NAALADL2: variants seen among roughly 807,000 people sequenced by gnomAD.
The protein encoded by NAALADL2 is N-acetylated alpha-linked acidic dipeptidase like 2.
Under a neutral mutation model 87.2 loss-of-function variants are expected in NAALADL2, and 76 were observed. That is an observed-to-expected ratio of 0.87 (90% CI 0.72 to 1.05). The LOEUF (loss-of-function observed/expected upper bound fraction) is 1.05. Among genes scored for constraint, NAALADL2 ranks in the 50% least tolerant of loss-of-function variants. The pLI is 0.00. For synonymous variants in NAALADL2, 354 were observed against 331.0 expected (o/e 1.07, Z -0.75); for missense variants, 1,089 against 945.8 (o/e 1.15, Z -1.99).
intron 5 of NAALADL2, among the ~76,000 whole-genome samples, chr3:175,426,361 T>TCAAAA (rs896765266): frequency 7.9e-5 from 12 of 152,300 alleles, no homozygotes; most frequent in African/African-American, 2.2e-4. Context: ...AGACTCTATC[T>TCAAAA]CAAAACAAAA....
At chr3:175,625,733 A>G (rs900757737) in intron 10 of NAALADL2, among the ~76,000 whole-genome samples, 2 of 151,994 alleles carry the variant, frequency 1.3e-5, no homozygotes, top group Admixed American at 1.3e-4. Flanking sequence ...CCATTTATTC[A>G]TGGTATGATC....
intron 1 of NAALADL2, among the ~76,000 whole-genome samples, chr3:174,514,045 A>G (rs904261930): frequency 2.0e-5 from 3 of 152,130 alleles, no homozygotes; most frequent in African/African-American, 4.8e-5. Flanking sequence ...CCTTATTTAT[A>G]TACTGGAACC....
At chr3:175,008,212 T>C (rs1200703502) in intron 1 of NAALADL2, among the ~76,000 whole-genome samples, 1 of 151,904 alleles carries the variant, frequency 6.6e-6, no homozygotes, top group Non-Finnish European at 1.5e-5. Context: ...AACACTTCTA[T>C]ACAAAAAAAA....
In NAALADL2 at chr3:174,859,439, C is replaced by T. The variant is rs749030061; in HGVS notation, c.32C>T (p.Thr11Met). Residue 11 changes from threonine (T) to methionine (M), a missense_variant, in exon 1 of 14, where the codon ACG (threonine) becomes ATG (methionine). Thr to Met is a moderately conservative substitution (Grantham distance 81, BLOSUM62 -1). Coordinates refer to ENST00000454872, the MANE Select transcript of NAALADL2 (RefSeq NM_207015.3). ...GAGAATGAAGCAAGTTTACCTAACA[C>T]GTCTTTGCAAGGTAAGTACCAACAG... MGENEASLPNTSLQGKKMAYQ... is the reference protein window; with the variant it reads MGENEASLPNMSLQGKKMAYQ... 1.6e-5 allele frequency: 25 copies of T among 1,610,454 alleles called. No homozygotes were observed. The highest frequency in any genetic ancestry group is 5.0e-5 in the Admixed American group (3 of 59,612).
chr3:175,186,463 T>G lies in NAALADL2; in HGVS notation c.546-47468T>G, dbSNP rs76553782. ...ATTTAAAAATATAAAACATCTAATT[T>G]TAAAACAAATGCCCTCTTTTGTTTA... On this transcript the variant is annotated intron_variant, in intron 2 of 13. Transcript: ENST00000454872. Among the ~76,000 whole-genome samples the G allele has an allele frequency of 2.6e-5, 4 of 152,258 alleles. No homozygotes were observed. In the East Asian group the frequency reaches 7.7e-4, roughly 29 times the overall value.
intron 2 of NAALADL2, among the ~76,000 whole-genome samples, chr3:174,667,787 A>T (rs1194335953): frequency 6.6e-6 from 1 of 152,004 alleles, no homozygotes; most frequent in Non-Finnish European, 1.5e-5. Context: ...TGTATTTCTA[A>T]AGGAATAAGT....
intron 2 of NAALADL2, among the ~76,000 whole-genome samples, chr3:174,554,250 T>C (rs2108497204): frequency 6.6e-6 from 1 of 152,232 alleles, no homozygotes; most frequent in South Asian, 2.1e-4. Flanking sequence ...TAGTATCATA[T>C]CTTTAATGGT....
intron 6 of NAALADL2, among the ~76,000 whole-genome samples, chr3:175,458,953 C>A (rs1263703312): frequency 6.6e-6 from 1 of 152,062 alleles, no homozygotes; most frequent in Non-Finnish European, 1.5e-5. Flanking sequence ...ACTATTTCCC[C>A]TGGTAGTTGC....
intron 3 of NAALADL2, among the ~76,000 whole-genome samples, chr3:174,820,394 A>C (rs1477506439): frequency 1.3e-5 from 2 of 152,182 alleles, no homozygotes; most frequent in African/African-American, 4.8e-5. Context: ...AACACACCAC[A>C]TATACTTTTT....
chr3:175,099,708 C>T lies in NAALADL2; in HGVS notation c.545+2417C>T, dbSNP rs963989564. On this transcript the variant is annotated intron_variant, in intron 2 of 13. Coordinates refer to ENST00000454872, the MANE Select transcript of NAALADL2 (RefSeq NM_207015.3). ...GCTGTATCTCTTTTCTATTGGTTCT[C>T]TTTTCCTGGACATGCTCTAAACCTA... Among the ~76,000 whole-genome samples, 5 of 152,246 alleles carry T rather than the reference C, an allele frequency of 3.3e-5. No homozygotes were observed. In the East Asian group the frequency reaches 9.6e-4, roughly 29 times the overall value.
intron 11 of NAALADL2, among the ~76,000 whole-genome samples, chr3:175,667,113 AAGAG>A (rs201571156): frequency 2.0e-5 from 3 of 148,982 alleles, no homozygotes; most frequent in Non-Finnish European, 3.0e-5. Context: ...GAAGGAAGGA[AAGAG>A]AGAGAGAGAA....
intron 13 of NAALADL2, among the ~76,000 whole-genome samples, chr3:175,796,602 G>A (rs1257982237): frequency 2.6e-5 from 4 of 152,192 alleles, no homozygotes; most frequent in African/African-American, 9.7e-5. Flanking sequence ...TATAAATACA[G>A]TAATCTACTG....
chr3:175,072,293 A>G (rs780465920), intron 1 of NAALADL2, among the ~76,000 whole-genome samples: 7 of 152,068 alleles, frequency 4.6e-5, no homozygotes, highest in Admixed American at 6.6e-5. Flanking sequence ...TTATCTGAAA[A>G]TGGGGATCAT....
intron 2 of NAALADL2, among the ~76,000 whole-genome samples, chr3:175,164,910 A>G (rs1733765565): frequency 6.6e-6 from 1 of 152,156 alleles, no homozygotes; most frequent in Admixed American, 6.6e-5. Flanking sequence ...TCAGAAGCAA[A>G]GGAATTGTGG....
intron 2 of NAALADL2, among the ~76,000 whole-genome samples, chr3:175,108,810 G>A (rs1159040733): frequency 6.6e-6 from 1 of 151,886 alleles, no homozygotes; most frequent in Non-Finnish European, 1.5e-5. Flanking sequence ...TGGGCAAAGA[G>A]CAAAGATAGA....
intron 1 of NAALADL2, among the ~76,000 whole-genome samples, chr3:175,038,256 T>C (rs1423783495): frequency 6.6e-6 from 1 of 152,164 alleles, no homozygotes; most frequent in Admixed American, 6.5e-5. Flanking sequence ...CACAAAATTT[T>C]AGAGATTTTG....
chr3:174,863,530 A>G (rs1293331102), intron 1 of NAALADL2, among the ~76,000 whole-genome samples: 1 of 150,722 alleles, frequency 6.6e-6, no homozygotes, highest in Admixed American at 6.6e-5. Flanking sequence ...TCTTCATAAT[A>G]GAGTCATTGT....
In NAALADL2 at chr3:175,464,276, G is replaced by A. The variant is rs115243522; in HGVS notation, c.1327+783G>A. The stretch of plus-strand genomic sequence containing the variant: ...TTGTCAAATGTCTGCATGGCTTTAG[G>A]TTTTCAATGTGCTTATGAAAATGGT... On this transcript the variant is annotated intron_variant, in intron 7 of 13. Transcript: ENST00000454872. Among the ~76,000 whole-genome samples, 888 of 151,920 alleles carry A rather than the reference G, an allele frequency of 5.8e-3. 11 individuals are homozygous for A. The highest frequency in any genetic ancestry group is 0.02 in the African/African-American group (834 of 41,442).
chr3:174,891,970 C>A (rs765701574), intron 1 of NAALADL2, among the ~76,000 whole-genome samples: 4 of 152,114 alleles, frequency 2.6e-5, no homozygotes, highest in Non-Finnish European at 5.9e-5. Context: ...GGCTCAGCCA[C>A]AACAAGGTAT....
Sources: gnomAD v4.1 joint callset for allele counts (sites outside exome capture counted in the v4.1 genomes callset) on GRCh38, gnomAD v4.1.1 for gene constraint, MANE v1.5 for transcripts, NCBI Gene and HGNC (gene_info 2026-07-23, HGNC 2026-07-21) for gene names.